Variants in BLVRA observed in about 807,000 individuals in gnomAD.
The protein encoded by BLVRA is biliverdin reductase A, also known as BVR A.
A neutral mutation model predicts 32.8 loss-of-function variants in BLVRA; 22 were observed. That is an observed-to-expected ratio of 0.67 (90% CI 0.48 to 0.96). The LOEUF (loss-of-function observed/expected upper bound fraction) is 0.96, where lower values mean the gene tolerates loss of function less well. Among genes scored for constraint, BLVRA ranks in the 40% least tolerant of loss-of-function variants. BLVRA has a pLI of 0.00. For missense variants in BLVRA, 323 were observed against 358.1 expected (o/e 0.90, Z 0.79); for synonymous variants, 119 against 141.3 (o/e 0.84, Z 1.12).
intron 2 of BLVRA, among the ~76,000 whole-genome samples, chr7:43,773,738 A>G (rs1335953269): frequency 1.3e-5 from 2 of 152,240 alleles, no homozygotes; most frequent in Admixed American, 1.3e-4. Flanking sequence ...GGGTTGAACT[A>G]GTTTACAGTC....
intron 3 of BLVRA, among the ~76,000 whole-genome samples, chr7:43,789,599 C>A (rs987622395): frequency 2.0e-5 from 3 of 152,176 alleles, no homozygotes; most frequent in African/African-American, 7.2e-5. Context: ...CCCTTAAGCC[C>A]CAGTCCTCTG....
chr7:43,768,293 G>T (rs895150891), intron 1 of BLVRA, among the ~76,000 whole-genome samples: 2 of 152,112 alleles, frequency 1.3e-5, no homozygotes, highest in Non-Finnish European at 2.9e-5. Context: ...CCGTTTGACC[G>T]TCGTTGTTGC....
chr7:43,796,164 T>C (rs987926677), intron 5 of BLVRA, among the ~76,000 whole-genome samples: 1 of 134,634 alleles, frequency 7.4e-6, no homozygotes, highest in East Asian at 2.1e-4. Context: ...AAAAAAAGAG[T>C]AAAGACTCAA....
In BLVRA at chr7:43,792,779, G is replaced by A. The variant is rs1298964491; in HGVS notation, c.319G>A (p.Ala107Thr). 6.2e-6 allele frequency: 10 copies of A among 1,614,056 alleles called. No homozygotes were observed. The Admixed American group carries it at 8.3e-5, about 13-fold the overall frequency. Residue 107 changes from alanine (A) to threonine (T), a missense_variant, in exon 5 of 8, where the codon GCT becomes ACT. By Grantham distance (58) the Ala-to-Thr change is moderately conservative. Coordinates refer to ENST00000265523, the MANE Select transcript of BLVRA (RefSeq NM_000712.4). ...CCCCATGACACTGTCATTGGCGGCC[G>A]CTCAGGAACTGTGGGAGCTGGCTGA... ...EYPMTLSLAA[A>T]QELWELAEQK...
At chr7:43,786,465 T>C (rs936004120) in intron 2 of BLVRA, among the ~76,000 whole-genome samples, 2 of 152,192 alleles carry the variant, frequency 1.3e-5, no homozygotes, top group Non-Finnish European at 2.9e-5. Context: ...CCCTCAATAA[T>C]TGCTAGAGCA....
intron 3 of BLVRA, among the ~76,000 whole-genome samples, chr7:43,790,765 C>T (rs756035455): frequency 2.6e-5 from 4 of 152,158 alleles, no homozygotes; most frequent in Non-Finnish European, 4.4e-5. Flanking sequence ...CTCCATCTCC[C>T]GGATTCAAGT....
At chr7:43,769,357 A>G (rs1162278329) in intron 1 of BLVRA, among the ~76,000 whole-genome samples, 3 of 152,096 alleles carry the variant, frequency 2.0e-5, no homozygotes. Flanking sequence ...GCATAAAAAG[A>G]CATCACACCT....
At chr7:43,762,448 C>CTCACAGTAAATT (rs1554581142) in intron 1 of BLVRA, among the ~76,000 whole-genome samples, 1 of 151,490 alleles carries the variant, frequency 6.6e-6, no homozygotes, top group Non-Finnish European at 1.5e-5. Flanking sequence ...AGACTGAAAT[C>CTCACAGTAAATT]AAAAGGGAAA....
rs550720312 is a variant in BLVRA at position 43,780,105 on chromosome 7, C to T, written c.13-7799C>T. The stretch of plus-strand genomic sequence containing the variant: ...CAGGCTGGGCTTGAACCCCTGACCT[C>T]GAGTGATCCTCCCACCTCGGCCTCC... On this transcript the variant is annotated intron_variant, in intron 2 of 7. Transcript: ENST00000265523. 8.4e-4 allele frequency among the ~76,000 whole-genome samples: 128 copies of T among 152,208 alleles called. 1 individual carries two copies. Among genetic ancestry groups the T allele is most frequent in the African/African-American group, 3.0e-3 (123 of 41,526 alleles).
At chr7:43,786,826 A>G (rs1488479440) in intron 2 of BLVRA, among the ~76,000 whole-genome samples, 2 of 152,202 alleles carry the variant, frequency 1.3e-5, no homozygotes. Context: ...AGTGGTGACA[A>G]CTGGGTACAG....
At chr7:43,778,767 C>T (rs1456828854) in intron 2 of BLVRA, among the ~76,000 whole-genome samples, 1 of 152,230 alleles carries the variant, frequency 6.6e-6, no homozygotes, top group Non-Finnish European at 1.5e-5. Context: ...GTGGAGCCTA[C>T]AGAGGCAGGC....
chr7:43,782,026 C>T (rs1263488661), intron 2 of BLVRA, among the ~76,000 whole-genome samples: 1 of 152,210 alleles, frequency 6.6e-6, no homozygotes, highest in East Asian at 1.9e-4. Flanking sequence ...TTATGAATTT[C>T]CATTGTGCTT....
intron 1 of BLVRA, chr7:43,767,299 C>T: frequency 3.3e-6 from 4 of 1,224,254 alleles, no homozygotes; most frequent in Non-Finnish European, 4.8e-6. Flanking sequence ...TGTGGAGCAC[C>T]CAGATAAAGT....
chr7:43,790,178 C>T (rs2095783827), intron 3 of BLVRA, among the ~76,000 whole-genome samples: 1 of 151,944 alleles, frequency 6.6e-6, no homozygotes, highest in East Asian at 1.9e-4. Flanking sequence ...ATGACTGCCA[C>T]CCTTAGAGGG....
chr7:43,791,282 G>T lies in BLVRA; in HGVS notation c.168G>T (p.Gln56His). 1 of 1,614,232 alleles carries T rather than the reference G, an allele frequency of 6.2e-7. No homozygotes were observed. Among genetic ancestry groups the T allele is most frequent in the Non-Finnish European group, 8.5e-7 (1 of 1,180,032 alleles). ...TCGGGAGCATTGATGGAGTCCAGCAGATTTCTTTGGAGGATGCTCTTTCCA... is the reference window on the plus strand; with the variant it reads ...TCGGGAGCATTGATGGAGTCCAGCATATTTCTTTGGAGGATGCTCTTTCCA... The part of the protein sequence containing the change: ...RELGSIDGVQ[Q>H]ISLEDALSSQ... The change falls in exon 4 of 8, where the codon CAG becomes CAT. Residue 56 changes from glutamine (Q) to histidine (H), a missense_variant. Coordinates refer to ENST00000265523, the MANE Select transcript of BLVRA (RefSeq NM_000712.4).
At chr7:43,759,209 C>T (rs1362790532) in intron 1 of BLVRA, among the ~76,000 whole-genome samples, 1 of 152,238 alleles carries the variant, frequency 6.6e-6, no homozygotes, top group African/African-American at 2.4e-5. Flanking sequence ...AGGCGCCACG[C>T]GAGGCACTTG....
At chr7:43,797,134 G>A (rs190118783) in intron 5 of BLVRA, among the ~76,000 whole-genome samples, 132 of 152,230 alleles carry the variant, frequency 8.7e-4, no homozygotes, top group African/African-American at 3.1e-3. Flanking sequence ...AGACAGTCTC[G>A]CCCTGTTACC....
intron 2 of BLVRA, among the ~76,000 whole-genome samples, chr7:43,779,681 C>A (rs2095766443): frequency 4.6e-5 from 7 of 152,100 alleles, no homozygotes; most frequent in Admixed American, 4.6e-4. Context: ...TTCTTAGGAT[C>A]TTTTAAGTTC....
chr7:43,777,310 C>T, intron 2 of BLVRA, among the ~76,000 whole-genome samples: 1 of 151,638 alleles, frequency 6.6e-6, no homozygotes, highest in East Asian at 1.9e-4. Flanking sequence ...TTAGTGCTTC[C>T]TTCAGGAGCT....
Sources: allele counts gnomAD v4.1 joint callset (sites outside exome capture counted in the v4.1 genomes callset), GRCh38; gene constraint gnomAD v4.1.1; transcripts MANE v1.5; gene names NCBI Gene and HGNC (gene_info 2026-07-23, HGNC 2026-07-21).